PHGR1: variants seen among roughly 807,000 people sequenced by gnomAD.
PHGR1 encodes the protein proline, histidine and glycine-rich protein 1.
PHGR1 carries 3 observed loss-of-function variants against 4.9 expected under a neutral mutation model. The observed-to-expected ratio is 0.61, with a 90% CI of 0.28 to 1.58. The LOEUF is 1.58. Ranked by LOEUF, PHGR1 falls within the 40% of genes most tolerant of loss-of-function variation. The pLI is 0.11. For synonymous variants in PHGR1, 32 were observed against 46.1 expected (o/e 0.69, Z 1.24); for missense variants, 81 against 118.7 (o/e 0.68, Z 1.48).
intron 1 of PHGR1, among the ~76,000 whole-genome samples, chr15:40,351,658 G>A (rs914555997): frequency 7.2e-5 from 11 of 152,130 alleles, no homozygotes; most frequent in African/African-American, 2.7e-4. Flanking sequence ...AGTGGCTCAT[G>A]CCTGAAATCC....
At chr15:40,355,916 C>G in intron 3 of PHGR1, 157 bp from the exon 4 acceptor site, 3 of 776,436 alleles carry the variant, frequency 3.9e-6, no homozygotes, top group Admixed American at 4.1e-5. Flanking sequence ...AGGCAAAAGG[C>G]ACGGGACATG....
intron 2 of PHGR1, 132 bp from the exon 3 acceptor site, chr15:40,354,213 C>A: frequency 1.1e-6 from 1 of 891,812 alleles, no homozygotes; most frequent in Non-Finnish European, 1.7e-6. Context: ...GGCAAGTGAC[C>A]ATGTCTGAGA....
At position 40,356,273 on chromosome 15, in the gene PHGR1, A is replaced by C. The variant is rs1889300049; in HGVS notation, c.219A>C (p.Pro73=). 6.5e-7 allele frequency: 1 copy of C among 1,540,032 alleles called. No individual in the cohort carries two copies. Among genetic ancestry groups the C allele is most frequent in the Non-Finnish European group, 8.7e-7 (1 of 1,143,386 alleles). ...GPCGPPPGHG[P]GHPPPGPHH ...GCGGGCCTCCCCCTGGCCATGGCCC[A>C]GGTCACCCACCCCCTGGTCCACATC... The change falls in exon 4 of 4, where the codon CCA becomes CCC. Residue 73 remains proline, a synonymous_variant. Coordinates refer to ENST00000448599, the MANE Select transcript of PHGR1 (RefSeq NM_001145643.2).
chr15:40,355,070 C>A (rs757828491), intron 3 of PHGR1, among the ~76,000 whole-genome samples: 3 of 152,110 alleles, frequency 2.0e-5, no homozygotes, highest in Non-Finnish European at 4.4e-5. Context: ...GGGAGCATAG[C>A]CCCGCCCTGC....
At chr15:40,355,903 C>T (rs1008133261) in intron 3 of PHGR1, among the ~76,000 whole-genome samples, 170 bp from the exon 4 acceptor site, 1 of 152,208 alleles carries the variant, frequency 6.6e-6, no homozygotes, top group Non-Finnish European at 1.5e-5. Context: ...TCTGGCCTCA[C>T]CAAGGCAAAA....
intron 1 of PHGR1, among the ~76,000 whole-genome samples, chr15:40,351,636 G>A (rs2141253923): frequency 6.6e-6 from 1 of 152,294 alleles, no homozygotes; most frequent in South Asian, 2.1e-4. Flanking sequence ...AGAGGTGCAG[G>A]GGGCCGGGTG....
intron 3 of PHGR1, among the ~76,000 whole-genome samples, 170 bp from the exon 4 acceptor site, chr15:40,355,903 C>G (rs1008133261): frequency 2.5e-4 from 38 of 152,208 alleles, no homozygotes; most frequent in African/African-American, 9.2e-4. Flanking sequence ...TCTGGCCTCA[C>G]CAAGGCAAAA....
intron 1 of PHGR1, among the ~76,000 whole-genome samples, chr15:40,353,007 G>C (rs527767667): frequency 6.6e-6 from 1 of 152,076 alleles, no homozygotes. Context: ...AGGTGAACCC[G>C]CTGTGTCCAT....
intron 3 of PHGR1, 150 bp downstream of exon 3, chr15:40,354,502 G>A (rs950336219): frequency 4.0e-6 from 4 of 1,004,492 alleles, no homozygotes; most frequent in African/African-American, 1.6e-5. Flanking sequence ...CCCGTGGAGT[G>A]GGGGTGGGGT....
In PHGR1 at chr15:40,356,150, C is replaced by T. The variant is rs1408019758; in HGVS notation, c.96C>T (p.Cys32=). The change falls in exon 4 of 4, where the codon TGC becomes TGT. Residue 32 remains cysteine (C), a synonymous_variant. Transcript: ENST00000448599. ...CCCCTGGCCATGGCCCAGGGCCCTG[C>T]GGGCCACCCCCCCACCATGGTCCAG... ...GPPPGHGPGP[C]GPPPHHGPGP... The T allele has an allele frequency of 3.9e-6, 6 of 1,541,262 alleles. No homozygotes were observed. In the East Asian group the frequency reaches 9.9e-5, roughly 25 times the overall value.
chr15:40,353,141 G>A, intron 1 of PHGR1, 91 bp from the exon 2 acceptor site: 2 of 994,616 alleles, frequency 2.0e-6, no homozygotes, highest in Non-Finnish European at 3.0e-6. Flanking sequence ...GTGTGTGTGT[G>A]TGTGTGCGCG....
intron 2 of PHGR1, 132 bp from the exon 3 acceptor site, chr15:40,354,213 C>T: frequency 1.1e-6 from 1 of 891,814 alleles, no homozygotes; most frequent in Non-Finnish European, 1.7e-6. Flanking sequence ...GGCAAGTGAC[C>T]ATGTCTGAGA....
chr15:40,353,151 G>GCT, intron 1 of PHGR1, 81 bp from the exon 2 acceptor site: 1 of 1,283,526 alleles, frequency 7.8e-7, no homozygotes, highest in African/African-American at 1.5e-5. Context: ...GTGTGTGCGC[G>GCT]CGCGCGCGCA....
chr15:40,351,542 C>T (rs777355336), intron 1 of PHGR1, among the ~76,000 whole-genome samples: 1 of 152,156 alleles, frequency 6.6e-6, no homozygotes, highest in Non-Finnish European at 1.5e-5. Context: ...CGAGGGAGCA[C>T]GAAGGACCAT....
rs1889292650 is a variant in PHGR1, at chr15:40,356,140, C to T, written c.86C>T (p.Pro29Leu). ...TGCGGGCCACCCCCTGGCCATGGCC[C>T]AGGGCCCTGCGGGCCACCCCCCCAC... ...GHCGPPPGHG[P>L]GPCGPPPHHG... is the part of the protein sequence containing the mutation. Residue 29 changes from proline (P) to leucine (L), a missense_variant, in exon 4 of 4, where the codon CCA becomes CTA. Pro to Leu is a moderately conservative substitution (Grantham distance 98). Transcript: ENST00000448599. 1.3e-6 allele frequency: 2 copies of T among 1,545,116 alleles called. No homozygotes were observed. Among genetic ancestry groups the T allele is most frequent in the Non-Finnish European group, 1.7e-6 (2 of 1,144,116 alleles).
chr15:40,353,110 GGT>G (rs57886573), intron 1 of PHGR1, 120 bp from the exon 2 acceptor site: 54,714 of 553,602 alleles, frequency 0.099, 982 homozygotes, highest in African/African-American at 0.13. Context: ...TCCTTTGAAG[GGT>G]GTGTGTGTGT....
rs1316685942 is a variant in PHGR1 at position 40,355,925 on chromosome 15, TG to T, written c.19-147del. The T allele has an allele frequency of 1.7e-5, 14 of 820,456 alleles. No individual in the cohort carries two copies. The African/African-American group carries it at 2.0e-4, about 12-fold the overall frequency. 50.8% of individuals were successfully genotyped at this position (820,456 alleles called of 1,614,324 possible). A position where few individuals can be genotyped will look rare whatever the true frequency, so the allele number is the denominator to read the frequency against. On this transcript the variant is annotated intron_variant, in intron 3 of 3. Coordinates refer to ENST00000448599, the MANE Select transcript of PHGR1 (RefSeq NM_001145643.2). ...TCACCAAGGCAAAAGGCACGGGACA[TG>T]CTACCCATGCCCCCAGCCCTCCACC...
intron 3 of PHGR1, among the ~76,000 whole-genome samples, chr15:40,354,935 G>A (rs1299108075): frequency 6.6e-6 from 1 of 152,154 alleles, no homozygotes; most frequent in Admixed American, 6.5e-5. Flanking sequence ...ATGGGGCAGG[G>A]GCTGCTCTAC....
Position 40,356,353 on chromosome 15 carries a change from C to T in PHGR1, c.*50C>T, listed in dbSNP as rs1011674355. On this transcript the variant is annotated 3_prime_UTR_variant, in exon 4 of 4. Transcript: ENST00000448599. ...AGATGGCAAGCCTGAGAGAATTGCCCAGCTGACCTGGAATGAGGCCTAAAC... is the reference window on the plus strand; with the variant it reads ...AGATGGCAAGCCTGAGAGAATTGCCTAGCTGACCTGGAATGAGGCCTAAAC... The T allele has an allele frequency of 6.5e-7, 1 of 1,549,552 alleles. No individual in the cohort carries two copies. Among genetic ancestry groups the T allele is most frequent in the Non-Finnish European group, 8.7e-7 (1 of 1,146,380 alleles).
Sources: gnomAD v4.1 joint callset for allele counts (sites outside exome capture counted in the v4.1 genomes callset) on GRCh38, gnomAD v4.1.1 for gene constraint, MANE v1.5 for transcripts, NCBI Gene and HGNC (gene_info 2026-07-23, HGNC 2026-07-21) for gene names.